The following SESN1 variants were observed in gnomAD, a reference collection of about 807,000 sequenced individuals.
The protein encoded by SESN1 is sestrin-1.
In SESN1, 30 loss-of-function variants were observed where a neutral mutation model predicts 59.3. The ratio of observed to expected loss-of-function variants is 0.51; its 90% CI spans 0.38 to 0.69. The LOEUF (loss-of-function observed/expected upper bound fraction) is 0.69. Ranked by LOEUF, SESN1 falls within the 30% of genes least tolerant of loss-of-function variation. The pLI is 0.00. For missense variants in SESN1, 566 were observed against 673.0 expected (o/e 0.84, Z 1.76); for synonymous variants, 197 against 219.9 (o/e 0.90, Z 0.92).
At chr6:109,084,569 CAAAAG>C (rs1277977739) in intron 1 of SESN1, among the ~76,000 whole-genome samples, 2 of 151,792 alleles carry the variant, frequency 1.3e-5, no homozygotes, top group African/African-American at 4.8e-5. Context: ...AAAAACAAAA[CAAAAG>C]AAAACAAAAC....
intron 1 of SESN1, among the ~76,000 whole-genome samples, chr6:109,012,985 G>A (rs1779884540): frequency 6.6e-6 from 1 of 151,998 alleles, no homozygotes; most frequent in South Asian, 2.1e-4. Flanking sequence ...GCGTGGTGGT[G>A]TGCGCCTGTA....
intron 1 of SESN1, among the ~76,000 whole-genome samples, chr6:109,012,890 C>A (rs1428774616): frequency 6.6e-6 from 1 of 151,744 alleles, no homozygotes; most frequent in Non-Finnish European, 1.5e-5. Flanking sequence ...CGAGGCAGGG[C>A]GGATCACAAG....
At chr6:109,046,468 C>CA (rs1429364801) in intron 1 of SESN1, among the ~76,000 whole-genome samples, 1 of 149,096 alleles carries the variant, frequency 6.7e-6, no homozygotes, top group Non-Finnish European at 1.5e-5. Flanking sequence ...CTTGGCCTCC[C>CA]AAAGTGCCGA....
At chr6:109,014,409 G>T (rs929257946) in intron 1 of SESN1, among the ~76,000 whole-genome samples, 2 of 152,148 alleles carry the variant, frequency 1.3e-5, no homozygotes, top group Admixed American at 1.3e-4. Flanking sequence ...CTTGACCAAA[G>T]TTATAAAACT....
At chr6:109,088,496 AT>A (rs905114163) in intron 1 of SESN1, among the ~76,000 whole-genome samples, 30 of 152,004 alleles carry the variant, frequency 2.0e-4, no homozygotes, top group Non-Finnish European at 3.8e-4. Flanking sequence ...GGGGGTAATA[AT>A]CACTTTACTA....
intron 1 of SESN1, among the ~76,000 whole-genome samples, chr6:109,092,595 G>A (rs1781334274): frequency 6.6e-6 from 1 of 152,100 alleles, no homozygotes; most frequent in Non-Finnish European, 1.5e-5. Context: ...AAAAACTAAT[G>A]GATCATATAG....
At chr6:109,081,354 T>C (rs1232230226) in intron 1 of SESN1, among the ~76,000 whole-genome samples, 1 of 152,210 alleles carries the variant, frequency 6.6e-6, no homozygotes, top group Non-Finnish European at 1.5e-5. Flanking sequence ...GTGTGAGTCA[T>C]GGTGCCCAGC....
At chr6:109,086,517 TA>T (rs1781215607) in intron 1 of SESN1, among the ~76,000 whole-genome samples, 1 of 152,132 alleles carries the variant, frequency 6.6e-6, no homozygotes, top group Non-Finnish European at 1.5e-5. Flanking sequence ...GAAAAATAAA[TA>T]TAACTCTAAA....
intron 8 of SESN1, among the ~76,000 whole-genome samples, chr6:108,990,166 G>T (rs1779339485): frequency 1.3e-5 from 2 of 152,186 alleles, no homozygotes; most frequent in Non-Finnish European, 2.9e-5. Context: ...TAGTAACATG[G>T]CTGAAAACCT....
intron 1 of SESN1, among the ~76,000 whole-genome samples, chr6:109,022,775 A>G (rs571068591): frequency 7.9e-5 from 12 of 152,258 alleles, no homozygotes; most frequent in African/African-American, 2.9e-4. Flanking sequence ...GGTACATGCT[A>G]TCTTCATTTT....
chr6:109,046,779 C>T lies in SESN1; in HGVS notation c.280-44436G>A, dbSNP rs9717577. Among the ~76,000 whole-genome samples, 46 of 135,128 alleles carry T rather than the reference C, an allele frequency of 3.4e-4. 1 individual carries two copies. In the East Asian group the frequency reaches 9.8e-3, roughly 29 times the overall value. 88.6% of individuals were successfully genotyped at this position (135,128 alleles called of 152,430 possible). ...GAGTGCCTCTGCCCGGCCGAGACCCCGTCTGGGAGGTGAGGAGCGTCTCTG... is the reference window on the plus strand; with the variant it reads ...GAGTGCCTCTGCCCGGCCGAGACCCTGTCTGGGAGGTGAGGAGCGTCTCTG... On this transcript the variant is annotated intron_variant, in intron 1 of 9. Coordinates refer to ENST00000436639, the MANE Select transcript of SESN1 (RefSeq NM_014454.3).
At chr6:109,043,899 A>C (rs535066047) in intron 1 of SESN1, among the ~76,000 whole-genome samples, 2 of 152,242 alleles carry the variant, frequency 1.3e-5, no homozygotes, top group Non-Finnish European at 2.9e-5. Context: ...TGTTTTCATG[A>C]CTTATTATAA....
chr6:109,028,303 A>G (rs1315465439), intron 1 of SESN1, among the ~76,000 whole-genome samples: 1 of 152,204 alleles, frequency 6.6e-6, no homozygotes, highest in African/African-American at 2.4e-5. Context: ...TATCTGTTGT[A>G]TCTGACTATC....
chr6:109,015,035 T>A (rs1348704571), intron 1 of SESN1, among the ~76,000 whole-genome samples: 1 of 152,184 alleles, frequency 6.6e-6, no homozygotes, highest in Non-Finnish European at 1.5e-5. Context: ...CCTCAAAAAT[T>A]ATGTATCGAA....
intron 6 of SESN1, among the ~76,000 whole-genome samples, chr6:108,993,610 AT>A (rs1222675473): frequency 6.6e-6 from 1 of 152,198 alleles, no homozygotes; most frequent in Non-Finnish European, 1.5e-5. Flanking sequence ...GAGACACTTT[AT>A]AAACTTTTTC....
At chr6:109,015,803 G>GAA (rs1779919159) in intron 1 of SESN1, among the ~76,000 whole-genome samples, 1 of 152,108 alleles carries the variant, frequency 6.6e-6, no homozygotes, top group South Asian at 2.1e-4. Context: ...TATGCAAGTA[G>GAA]AAAATATTTC....
intron 1 of SESN1, among the ~76,000 whole-genome samples, chr6:109,084,377 A>G (rs1781175965): frequency 1.3e-5 from 2 of 152,262 alleles, no homozygotes; most frequent in South Asian, 4.1e-4. Flanking sequence ...CCTGGCCAAC[A>G]TGGTGAAACC....
intron 1 of SESN1, among the ~76,000 whole-genome samples, chr6:109,011,094 C>T (rs1376730352): frequency 6.6e-6 from 1 of 152,180 alleles, no homozygotes; most frequent in African/African-American, 2.4e-5. Flanking sequence ...TCTAGTAGGG[C>T]ATAATCTTAG....
At chr6:109,070,431 G>A (rs1165730318) in intron 1 of SESN1, among the ~76,000 whole-genome samples, 1 of 149,574 alleles carries the variant, frequency 6.7e-6, no homozygotes, top group Non-Finnish European at 1.5e-5. Context: ...TGGACAGGCA[G>A]CAGCTGTATG....
Sources: gnomAD v4.1 joint callset for allele counts (sites outside exome capture counted in the v4.1 genomes callset) on GRCh38, gnomAD v4.1.1 for gene constraint, MANE v1.5 for transcripts, NCBI Gene and HGNC (gene_info 2026-07-23, HGNC 2026-07-21) for gene names.